SYT9: variants seen among roughly 807,000 people sequenced by gnomAD.
The protein encoded by SYT9 is synaptotagmin-9.
A neutral mutation model predicts 48.4 loss-of-function variants in SYT9; 22 were observed. The observed-to-expected ratio is 0.45, with a 90% CI of 0.32 to 0.65. SYT9 has a LOEUF of 0.65. SYT9 is among the 30% of genes least tolerant of loss of function. The pLI, the probability that SYT9 is intolerant of heterozygous loss-of-function variation, is 0.03. For missense variants in SYT9, 577 were observed against 622.0 expected (o/e 0.93, Z 0.77); for synonymous variants, 265 against 245.0 (o/e 1.08, Z -0.76).
chr11:7,262,721 C>T (rs2119816745), intron 1 of SYT9, among the ~76,000 whole-genome samples: 1 of 152,046 alleles, frequency 6.6e-6, no homozygotes, highest in Non-Finnish European at 1.5e-5. Flanking sequence ...GGTAGTGATG[C>T]AGGGGTCATT....
Position 7,467,331 on chromosome 11 carries a change from A to G in SYT9, c.*531A>G, listed in dbSNP as rs1848354427. 2 of 153,318 alleles carry G rather than the reference A, an allele frequency of 1.3e-5. No homozygotes were observed. The highest frequency in any genetic ancestry group is 4.8e-5 in the African/African-American group (2 of 41,452). 9.5% of individuals were successfully genotyped at this position (153,318 alleles called of 1,614,324 possible). On this transcript the variant is annotated 3_prime_UTR_variant, in exon 7 of 7. Transcript: ENST00000318881. The stretch of plus-strand genomic sequence containing the variant: ...CCCCAAGAAGTGCTCCAGATTTGCA[A>G]GGAATAGCCCCAAGAGAATACCAAG...
chr11:7,429,744 C>T (rs1432710383), intron 6 of SYT9, among the ~76,000 whole-genome samples: 2 of 152,076 alleles, frequency 1.3e-5, no homozygotes, highest in African/African-American at 4.8e-5. Context: ...AAGTGTGTGG[C>T]CCACAGTAGA....
chr11:7,351,083 A>T (rs1849906358), intron 3 of SYT9, among the ~76,000 whole-genome samples: 1 of 152,204 alleles, frequency 6.6e-6, no homozygotes, highest in African/African-American at 2.4e-5. Flanking sequence ...GGTCCTACAT[A>T]AATAACTAGG....
At chr11:7,287,737 C>T (rs1358946093) in intron 1 of SYT9, among the ~76,000 whole-genome samples, 1 of 152,124 alleles carries the variant, frequency 6.6e-6, no homozygotes, top group African/African-American at 2.4e-5. Flanking sequence ...TTTTTTATGA[C>T]ATGATAAATA....
intron 1 of SYT9, among the ~76,000 whole-genome samples, chr11:7,288,724 C>A (rs1028035980): frequency 6.6e-6 from 1 of 152,008 alleles, no homozygotes; most frequent in African/African-American, 2.4e-5. Flanking sequence ...GATGCTGCTC[C>A]TGTTTTCTTT....
At chr11:7,314,439 A>G (rs1013046830) in intron 3 of SYT9, 1 of 218,542 alleles carries the variant, frequency 4.6e-6, no homozygotes, top group African/African-American at 2.3e-5. Context: ...AGAGTTGGCA[A>G]CACATTTTTA....
At chr11:7,445,235 A>G (rs1847905024) in intron 6 of SYT9, among the ~76,000 whole-genome samples, 1 of 152,216 alleles carries the variant, frequency 6.6e-6, no homozygotes, top group Non-Finnish European at 1.5e-5. Context: ...GATAATTGAT[A>G]TTATTCAACA....
At chr11:7,255,459 T>C (rs1308478077) in intron 1 of SYT9, among the ~76,000 whole-genome samples, 1 of 152,202 alleles carries the variant, frequency 6.6e-6, no homozygotes, top group Non-Finnish European at 1.5e-5. Context: ...GACAACACTT[T>C]GACTGCTATG....
At chr11:7,278,800 C>T (rs985914204) in intron 1 of SYT9, among the ~76,000 whole-genome samples, 2 of 152,126 alleles carry the variant, frequency 1.3e-5, no homozygotes, top group East Asian at 1.9e-4. Context: ...GGGGAGACTG[C>T]GTTAACTTGG....
intron 1 of SYT9, among the ~76,000 whole-genome samples, chr11:7,259,497 C>T (rs540034739): frequency 1.5e-4 from 23 of 152,118 alleles, no homozygotes; most frequent in Admixed American, 5.2e-4. Context: ...TCTGGTAGAT[C>T]TATGTTAGTT....
chr11:7,336,711 TG>T (rs907617940), intron 3 of SYT9, among the ~76,000 whole-genome samples: 5 of 152,206 alleles, frequency 3.3e-5, no homozygotes, highest in Non-Finnish European at 7.3e-5. Flanking sequence ...CATCTGTTTT[TG>T]TACCAGTATC....
intron 3 of SYT9, among the ~76,000 whole-genome samples, 160 bp from the exon 4 acceptor site, chr11:7,415,882 T>C (rs1847236894): frequency 6.6e-6 from 1 of 152,162 alleles, no homozygotes; most frequent in Non-Finnish European, 1.5e-5. Context: ...CAGGGATTTA[T>C]TATTCTCCCT....
intron 3 of SYT9, among the ~76,000 whole-genome samples, chr11:7,408,242 C>T (rs896610772): frequency 2.1e-4 from 32 of 152,174 alleles, no homozygotes; most frequent in African/African-American, 7.5e-4. Flanking sequence ...AATTCTCCTG[C>T]CTCAGCCTCC....
intron 1 of SYT9, among the ~76,000 whole-genome samples, chr11:7,266,151 G>T (rs751021967): frequency 6.6e-5 from 10 of 151,980 alleles, no homozygotes; most frequent in Non-Finnish European, 1.2e-4. Context: ...AGCTCTGAAG[G>T]CTTCCCAAAT....
chr11:7,275,712 T>C (rs544613846), intron 1 of SYT9, among the ~76,000 whole-genome samples: 1 of 152,302 alleles, frequency 6.6e-6, no homozygotes, highest in South Asian at 2.1e-4. Context: ...TCCATTTGCA[T>C]AGATGAAGGA....
At chr11:7,406,844 G>T (rs1564892533) in intron 3 of SYT9, among the ~76,000 whole-genome samples, 2 of 151,868 alleles carry the variant, frequency 1.3e-5, no homozygotes, top group Admixed American at 1.3e-4. Context: ...TCTCCACATT[G>T]TTGCTAGCAT....
chr11:7,293,641 C>T (rs967890062), intron 1 of SYT9, among the ~76,000 whole-genome samples: 1 of 152,114 alleles, frequency 6.6e-6, no homozygotes, highest in Non-Finnish European at 1.5e-5. Context: ...TTCAGAAGAA[C>T]CACATAATAT....
intron 6 of SYT9, among the ~76,000 whole-genome samples, chr11:7,453,303 G>C (rs1848092357): frequency 6.6e-6 from 1 of 152,030 alleles, no homozygotes; most frequent in Non-Finnish European, 1.5e-5. Flanking sequence ...GTACAAGCTG[G>C]GAAGATACTC....
intron 1 of SYT9, among the ~76,000 whole-genome samples, chr11:7,294,082 T>C (rs1848744280): frequency 6.6e-6 from 1 of 152,228 alleles, no homozygotes; most frequent in South Asian, 2.1e-4. Flanking sequence ...ATATTTTCTG[T>C]GTCCTCATAT....
Sources: gnomAD v4.1 joint callset for allele counts (sites outside exome capture counted in the v4.1 genomes callset) on GRCh38, gnomAD v4.1.1 for gene constraint, MANE v1.5 for transcripts, NCBI Gene and HGNC (gene_info 2026-07-23, HGNC 2026-07-21) for gene names.